PRKCG: variants seen among roughly 807,000 people sequenced by gnomAD.
PRKCG encodes the protein protein kinase C gamma type.
A neutral mutation model predicts 82.0 loss-of-function variants in PRKCG; 28 were observed. The observed-to-expected ratio is 0.34, with a 90% CI of 0.25 to 0.47. The LOEUF is 0.47. Among genes scored for constraint, PRKCG ranks in the 20% least tolerant of loss-of-function variants. PRKCG has a pLI of 1.00. For missense variants in PRKCG, 640 were observed against 952.7 expected (o/e 0.67, Z 4.32); for synonymous variants, 383 against 376.6 (o/e 1.02, Z -0.20).
At position 53,882,529 on chromosome 19, in the gene PRKCG, AG is replaced by A; in HGVS notation, c.41del (p.Gly14AspfsTer12). Reference sequence around the variant, plus strand: ...CTGGGCCCCGGCGTAGGCGATTCAGAGGGGGGACCCCGGCCCCTGTTTTGCA... The same window carrying A: ...CTGGGCCCCGGCGTAGGCGATTCAGAGGGGGACCCCGGCCCCTGTTTTGCA... The part of the protein sequence containing the change: ...AGLGPGVGDS[E>X]GGPRPLFCRK... On this transcript the variant is annotated frameshift_variant, in exon 1 of 18. Transcript: ENST00000263431. LOFTEE classifies it high-confidence loss of function. The surrounding 1 kb of genome is among the most constrained non-coding windows in gnomAD (Gnocchi z 6.1). 1 of 1,613,986 alleles carries A rather than the reference AG, an allele frequency of 6.2e-7. No individual in the cohort carries two copies. Among genetic ancestry groups the A allele is most frequent in the Non-Finnish European group, 8.5e-7 (1 of 1,179,978 alleles).
At position 53,906,932 on chromosome 19, in the gene PRKCG, T is replaced by A. The variant is rs770761497; in HGVS notation, c.*37T>A. 6.3e-7 allele frequency: 1 copy of A among 1,597,892 alleles called. No homozygotes were observed. The highest frequency in any genetic ancestry group is 8.5e-7 in the Non-Finnish European group (1 of 1,175,216). On this transcript the variant is annotated 3_prime_UTR_variant, in exon 18 of 18. Transcript: ENST00000263431. The stretch of plus-strand genomic sequence containing the variant: ...GCCACTAGGTGTCCCCAACGTCCCC[T>A]CCGCCGTGCCGGCGGCAGCCCCACT...
In PRKCG at chr19:53,906,897, C is replaced by G. The variant is rs767847826; in HGVS notation, c.*2C>G. 1.2e-6 allele frequency: 2 copies of G among 1,612,848 alleles called. No individual in the cohort carries two copies. Among genetic ancestry groups the G allele is most frequent in the South Asian group, 2.2e-5 (2 of 91,088 alleles). ...CCAGTGCCTGTGCCCGTCATGTAAT[C>G]TCACCCGCCGCCACTAGGTGTCCCC... is the stretch of plus-strand genomic sequence containing the variant. On this transcript the variant is annotated 3_prime_UTR_variant, in exon 18 of 18. Transcript: ENST00000263431.
rs56955659 is a variant in PRKCG at position 53,902,890 on chromosome 19, C to CAAAAAAAAAAAAAAAAAAAAAAAAAA, written c.1576-182_1576-157dup. Among the ~76,000 whole-genome samples the CAAAAAAAAAAAAAAAAAAAAAAAAAA allele has an allele frequency of 2.5e-4, 5 of 19,974 alleles. 1 individual carries two copies. The highest frequency in any genetic ancestry group is 6.9e-4 in the African/African-American group (5 of 7,258). The allele number at this position is 19,974 out of a possible 152,430, so 13.1% of individuals were successfully genotyped here. On this transcript the variant is annotated intron_variant, in intron 14 of 17. Transcript: ENST00000263431. ...CCTGGGCAACAGAGTGAGACCCTGT[C>CAAAAAAAAAAAAAAAAAAAAAAAAAA]AAAAAAAAAAAAAAAAAAAAAAAAA...
chr19:53,899,155 C>A (rs970476180), intron 11 of PRKCG, among the ~76,000 whole-genome samples: 1 of 150,232 alleles, frequency 6.7e-6, no homozygotes, highest in South Asian at 2.1e-4. Flanking sequence ...CGTGGCCAGG[C>A]GGTGAGTTCC....
rs954381819 is a variant in PRKCG, at chr19:53,884,372, C to T, written c.285+129C>T. ...AGGGGGGCTGGAGAGATAGGGGGAG[C>T]TATCTGGCCCAGATTCCTTGCCCTT... is the stretch of plus-strand genomic sequence containing the variant. On this transcript the variant is annotated intron_variant, in intron 3 of 17. Transcript: ENST00000263431. This position sits in a 1 kb window ranked among gnomAD's most constrained non-coding sequence, Gnocchi z 4.6. 2 of 908,242 alleles carry T rather than the reference C, an allele frequency of 2.2e-6. No individual in the cohort carries two copies. Among genetic ancestry groups the T allele is most frequent in the Admixed American group, 1.9e-5 (1 of 52,060 alleles). The allele number at this position is 908,242 out of a possible 1,614,324, so 56.3% of individuals were successfully genotyped here.
At position 53,903,110 on chromosome 19, in the gene PRKCG, G is replaced by T; in HGVS notation, c.1613G>T (p.Trp538Leu). ...AYQPYGKSVDWWSFGVLLYEM... is the reference protein window; with the variant it reads ...AYQPYGKSVDLWSFGVLLYEM... ...CAGCCCTATGGGAAGTCTGTCGATT[G>T]GTGGTCCTTTGGAGTTCTGCTGTAT... Residue 538 changes from tryptophan (W) to leucine (L), a missense_variant, in exon 15 of 18, where the codon TGG becomes TTG. Coordinates refer to ENST00000263431, the MANE Select transcript of PRKCG (RefSeq NM_002739.5). The T allele has an allele frequency of 6.2e-7, 1 of 1,613,904 alleles. No individual in the cohort carries two copies. The highest frequency in any genetic ancestry group is 8.5e-7 in the Non-Finnish European group (1 of 1,179,912).
At chr19:53,897,288 C>G (rs10404488) in intron 9 of PRKCG, among the ~76,000 whole-genome samples, 103 of 152,268 alleles carry the variant, frequency 6.8e-4, no homozygotes, top group Middle Eastern at 3.4e-3. Flanking sequence ...AAAGGGCAGC[C>G]GTCCATGTAG....
chr19:53,904,578 G>C, intron 15 of PRKCG, 57 bp from the exon 16 acceptor site: 3 of 1,510,580 alleles, frequency 2.0e-6, no homozygotes, highest in South Asian at 2.4e-5. Flanking sequence ...GGTGTGGAAG[G>C]TTTGGGGAAA....
chr19:53,900,586 T>C lies in PRKCG; in HGVS notation c.1437-25T>C. 1 of 1,614,242 alleles carries C rather than the reference T, an allele frequency of 6.2e-7. No homozygotes were observed. The highest frequency in any genetic ancestry group is 1.1e-5 in the South Asian group (1 of 91,082). Reference sequence around the variant, plus strand: ...TGAACTCAACACTTCTTGCAATTCCTGCCCCACACCCCTGCATCGTCCAGG... The same window carrying C: ...TGAACTCAACACTTCTTGCAATTCCCGCCCCACACCCCTGCATCGTCCAGG... On this transcript the variant is annotated intron_variant, in intron 13 of 17. Transcript: ENST00000263431. This position sits in a 1 kb window ranked among gnomAD's most constrained non-coding sequence, Gnocchi z 4.2.
At chr19:53,901,272 G>C (rs527567010) in intron 14 of PRKCG, among the ~76,000 whole-genome samples, 4 of 152,098 alleles carry the variant, frequency 2.6e-5, no homozygotes, top group Admixed American at 6.5e-5. Context: ...AGCTGGGCGC[G>C]GTGGCTCACA....
chr19:53,898,712 G>A (rs1208479451), intron 11 of PRKCG, 84 bp downstream of exon 11: 3 of 1,362,988 alleles, frequency 2.2e-6, no homozygotes, highest in East Asian at 3.2e-5. Flanking sequence ...TGAGTTTAGG[G>A]CGAGGCAAGA....
chr19:53,897,797 G>A (rs1408814998), intron 9 of PRKCG, among the ~76,000 whole-genome samples, 162 bp from the exon 10 acceptor site: 1 of 152,144 alleles, frequency 6.6e-6, no homozygotes, highest in East Asian at 1.9e-4. Flanking sequence ...GCTATGGGGA[G>A]TCAGAGAAAA....
In PRKCG at chr19:53,889,635, C is replaced by T. The variant is rs779432720; in HGVS notation, c.286-3C>T. 6.2e-7 allele frequency: 1 copy of T among 1,613,830 alleles called. No homozygotes were observed. The highest frequency in any genetic ancestry group is 8.5e-7 in the Non-Finnish European group (1 of 1,179,780). On this transcript the variant is annotated splice_polypyrimidine_tract_variant and splice_region_variant and intron_variant, in intron 3 of 17. Transcript: ENST00000263431. The surrounding 1 kb of genome is among the most constrained non-coding windows in gnomAD (Gnocchi z 4.4). ...CCCCTAAGCCAGTCTTCTCTGCCCC[C>T]AGGACCCCCGGAACAAACACAAGTT...
Position 53,904,726 on chromosome 19 carries a change from T to C in PRKCG, c.1748T>C (p.Val583Ala). Residue 583 changes from valine to alanine, a missense_variant, in exon 16 of 18, where the codon GTG (valine) becomes GCG (alanine). This residue lies in a region of PRKCG where 198 missense variants were observed against 273.4 expected (regional missense o/e 0.72). Coordinates refer to ENST00000263431, the MANE Select transcript of PRKCG (RefSeq NM_002739.5). The stretch of plus-strand genomic sequence containing the variant: ...CCCAAGTCGCTTTCCCGGGAAGCCG[T>C]GGCCATCTGCAAGGGGGTGAGAGCC... Reference protein sequence around the residue: ...TYPKSLSREAVAICKGFLTKH... With the variant: ...TYPKSLSREAAAICKGFLTKH... 2 of 1,613,744 alleles carry C rather than the reference T, an allele frequency of 1.2e-6. No individual in the cohort carries two copies. Among genetic ancestry groups the C allele is most frequent in the Non-Finnish European group, 8.5e-7 (1 of 1,179,892 alleles).
At position 53,884,207 on chromosome 19, in the gene PRKCG, C is replaced by T. The variant is rs755321480; in HGVS notation, c.249C>T (p.Phe83=). 4 of 1,614,140 alleles carry T rather than the reference C, an allele frequency of 2.5e-6. No individual in the cohort carries two copies. In the South Asian group the frequency reaches 4.4e-5, roughly 18 times the overall value. ...GACGATGCCACGAATTTGTGACCTT[C>T]GAGTGTCCAGGCGCTGGGAAGGGCC... The part of the protein sequence containing the change: ...VHRRCHEFVT[F]ECPGAGKGPQ... The change falls in exon 3 of 18, where the codon TTC becomes TTT. Residue 83 remains phenylalanine (F), a synonymous_variant. Transcript: ENST00000263431. This position sits in a 1 kb window ranked among gnomAD's most constrained non-coding sequence, Gnocchi z 4.6.
Position 53,882,469 on chromosome 19 carries a change from C to T in PRKCG, c.-26C>T, listed in dbSNP as rs377669079. ...TGTTTCCCCCAAGAAAGGCAGGATC[C>T]TGGTCCCTGCTACGTTTCTGGGGCC... On this transcript the variant is annotated 5_prime_UTR_variant, in exon 1 of 18. Coordinates refer to ENST00000263431, the MANE Select transcript of PRKCG (RefSeq NM_002739.5). The surrounding 1 kb of genome is among the most constrained non-coding windows in gnomAD (Gnocchi z 6.1). 5.6e-6 allele frequency: 9 copies of T among 1,608,986 alleles called. No homozygotes were observed. The highest frequency in any genetic ancestry group is 2.2e-5 in the South Asian group (2 of 90,692).
intron 10 of PRKCG, 134 bp downstream of exon 10, chr19:53,898,245 A>G: frequency 7.0e-7 from 1 of 1,426,014 alleles, no homozygotes; most frequent in Non-Finnish European, 9.7e-7. Flanking sequence ...TGGGCCGTTC[A>G]GGTTCCTGGA....
chr19:53,884,500 G>T lies in PRKCG; in HGVS notation c.285+257G>T, dbSNP rs2068617933. ...GAGACTGAAGATGGGTGCTGCCGGG[G>T]GTGGGCTGTGATCCAGGGGTGAAGG... On this transcript the variant is annotated intron_variant, in intron 3 of 17. Coordinates refer to ENST00000263431, the MANE Select transcript of PRKCG (RefSeq NM_002739.5). The surrounding 1 kb of genome is among the most constrained non-coding windows in gnomAD (Gnocchi z 4.6). Among the ~76,000 whole-genome samples, 1 of 152,124 alleles carries T rather than the reference G, an allele frequency of 6.6e-6. No homozygotes were observed. The highest frequency in any genetic ancestry group is 2.4e-5 in the African/African-American group (1 of 41,410).
chr19:53,905,042 C>T (rs1419629233), intron 16 of PRKCG, among the ~76,000 whole-genome samples: 1 of 152,144 alleles, frequency 6.6e-6, no homozygotes, highest in Non-Finnish European at 1.5e-5. Context: ...CAGGTAAACC[C>T]AACTTCTGCA....
Sources: allele counts gnomAD v4.1 joint callset (sites outside exome capture counted in the v4.1 genomes callset), GRCh38; gene constraint gnomAD v4.1.1; regional missense constraint gnomAD v4.1.1; non-coding constraint Gnocchi (gnomAD v3.1); transcripts MANE v1.5; gene names NCBI Gene and HGNC (gene_info 2026-07-23, HGNC 2026-07-21).